KIFAP3: variants seen among roughly 807,000 people sequenced by gnomAD.
KIFAP3 encodes the protein kinesin associated protein 3, also known as kinesin-associated protein 3.
In KIFAP3, 68 loss-of-function variants were observed where a neutral mutation model predicts 106.5. That is an observed-to-expected ratio of 0.64 (90% CI 0.53 to 0.78). KIFAP3 has a LOEUF of 0.78. Ranked by LOEUF, KIFAP3 falls within the 30% of genes least tolerant of loss-of-function variation. The pLI, the probability that KIFAP3 is intolerant of heterozygous loss-of-function variation, is 0.00. For synonymous variants in KIFAP3, 320 were observed against 311.5 expected (o/e 1.03, Z -0.29); for missense variants, 780 against 941.8 (o/e 0.83, Z 2.25).
At position 169,929,545 on chromosome 1, in the gene KIFAP3, C is replaced by T. The variant is rs3790393; in HGVS notation, c.2274-7764G>A. On this transcript the variant is annotated intron_variant, in intron 19 of 19. Coordinates refer to ENST00000361580, the MANE Select transcript of KIFAP3 (RefSeq NM_014970.4). ...TATTACTCATTTCTTTGGACTTGAACTTTTGTATTGTTGAGAAAATAAAAT... is the reference window on the plus strand; with the variant it reads ...TATTACTCATTTCTTTGGACTTGAATTTTTGTATTGTTGAGAAAATAAAAT... Among the ~76,000 whole-genome samples, 946 of 152,166 alleles carry T rather than the reference C, an allele frequency of 6.2e-3. 52 individuals carry two copies. The East Asian group carries it at 0.12, about 20-fold the overall frequency.
chr1:170,017,255 CAAAAAAAAAAA>C (rs11417586), intron 9 of KIFAP3, among the ~76,000 whole-genome samples: 1 of 70,136 alleles, frequency 1.4e-5, no homozygotes, highest in Non-Finnish European at 2.6e-5. Context: ...GAGACTGTCT[CAAAAAAAAAAA>C]AAAAAAAAAA....
intron 1 of KIFAP3, among the ~76,000 whole-genome samples, chr1:170,084,833 TG>T (rs1242195184): frequency 6.6e-6 from 1 of 152,170 alleles, no homozygotes; most frequent in Non-Finnish European, 1.5e-5. Flanking sequence ...CCTGCAGGCA[TG>T]AGGACCCATT....
At position 169,968,746 on chromosome 1, in the gene KIFAP3, A is replaced by G. The variant is rs367926087; in HGVS notation, c.1983+3767T>C. Reference sequence around the variant, plus strand: ...GTCTTGACCACAAAGTAAAAGAAATAACTAAATAAAATTTATTTAAGTAAG... The same window carrying G: ...GTCTTGACCACAAAGTAAAAGAAATGACTAAATAAAATTTATTTAAGTAAG... On this transcript the variant is annotated intron_variant, in intron 17 of 19. Coordinates refer to ENST00000361580, the MANE Select transcript of KIFAP3 (RefSeq NM_014970.4). Among the ~76,000 whole-genome samples the G allele has an allele frequency of 9.9e-5, 15 of 151,938 alleles. 1 individual carries two copies. The East Asian group carries it at 2.3e-3, about 23-fold the overall frequency.
intron 5 of KIFAP3, among the ~76,000 whole-genome samples, 159 bp from the exon 6 acceptor site, chr1:170,035,712 A>C (rs1271271850): frequency 6.6e-6 from 1 of 152,106 alleles, no homozygotes. Context: ...TACTTTTAAA[A>C]CTAAAATGTA....
At chr1:170,073,037 C>T (rs1424268662) in intron 1 of KIFAP3, among the ~76,000 whole-genome samples, 3 of 151,944 alleles carry the variant, frequency 2.0e-5, no homozygotes, top group African/African-American at 4.8e-5. Context: ...CATACTGGTA[C>T]GATAATGTTA....
intron 3 of KIFAP3, 142 bp from the exon 4 acceptor site, chr1:170,039,430 CA>C: frequency 1.9e-6 from 1 of 534,822 alleles, no homozygotes; most frequent in Non-Finnish European, 3.4e-6. Flanking sequence ...CTTCTCAATG[CA>C]TAAAAATGTT....
At chr1:169,979,830 A>G (rs1197825521) in intron 15 of KIFAP3, among the ~76,000 whole-genome samples, 1 of 152,108 alleles carries the variant, frequency 6.6e-6, no homozygotes, top group Non-Finnish European at 1.5e-5. Context: ...AAATATTCAT[A>G]GGAGCATTAT....
chr1:169,944,300 T>C lies in KIFAP3; in HGVS notation c.2273+9711A>G, dbSNP rs1386762836. On this transcript the variant is annotated intron_variant, in intron 19 of 19. Transcript: ENST00000361580. The stretch of plus-strand genomic sequence containing the variant: ...GGCACTGGTACAGGTGCTGGCTCTG[T>C]GTGAGGCTGCAGATGGACCAGATGT... Among the ~76,000 whole-genome samples, 3 of 152,096 alleles carry C rather than the reference T, an allele frequency of 2.0e-5. No homozygotes were observed. In the East Asian group the frequency reaches 5.8e-4, roughly 29 times the overall value.
chr1:170,052,736 A>G, intron 2 of KIFAP3, among the ~76,000 whole-genome samples: 1 of 152,260 alleles, frequency 6.6e-6, no homozygotes, highest in Non-Finnish European at 1.5e-5. Flanking sequence ...AACCAAGGAC[A>G]AAAACTACAT....
intron 1 of KIFAP3, among the ~76,000 whole-genome samples, chr1:170,057,059 A>T (rs985650994): frequency 2.0e-5 from 3 of 152,190 alleles, no homozygotes; most frequent in African/African-American, 7.2e-5. Context: ...ACTATAAGAA[A>T]CATAAGAAAC....
At chr1:169,942,185 A>T (rs1031798551) in intron 19 of KIFAP3, among the ~76,000 whole-genome samples, 2 of 152,214 alleles carry the variant, frequency 1.3e-5, no homozygotes, top group African/African-American at 4.8e-5. Context: ...TCATTAAATA[A>T]ACTCAGTAAG....
At chr1:169,990,706 A>G (rs1395467713) in intron 11 of KIFAP3, among the ~76,000 whole-genome samples, 1 of 152,196 alleles carries the variant, frequency 6.6e-6, no homozygotes, top group East Asian at 1.9e-4. Context: ...CTCTACCCTT[A>G]TAACATACAG....
chr1:170,083,810 A>G (rs139409720), intron 1 of KIFAP3, among the ~76,000 whole-genome samples: 5 of 152,320 alleles, frequency 3.3e-5, no homozygotes, highest in African/African-American at 1.2e-4. Flanking sequence ...ATTTAGAAAA[A>G]TTGGGGGAAA....
At chr1:170,072,779 C>G (rs1345815530) in intron 1 of KIFAP3, among the ~76,000 whole-genome samples, 1 of 152,154 alleles carries the variant, frequency 6.6e-6, no homozygotes, top group Non-Finnish European at 1.5e-5. Flanking sequence ...TGTTTTCCAT[C>G]AGGCCTGTAT....
chr1:170,029,347 C>T (rs191416454), intron 8 of KIFAP3, among the ~76,000 whole-genome samples: 7 of 152,096 alleles, frequency 4.6e-5, no homozygotes, highest in Admixed American at 2.6e-4. Context: ...AGCATCAACA[C>T]ATGTAAAGCC....
rs1160691330 is a variant in KIFAP3, at chr1:169,922,520, C to A, written c.2274-739G>T. Among the ~76,000 whole-genome samples the A allele has an allele frequency of 1.6e-4, 25 of 152,156 alleles. 1 individual carries two copies. The highest frequency in any genetic ancestry group is 1.6e-3 in the Admixed American group (25 of 15,256). ...AGATAGCTTGAAGTATGTTAAACTT[C>A]ATGATTATTATTTTAAAAAAATTAC... is the stretch of plus-strand genomic sequence containing the variant. On this transcript the variant is annotated intron_variant, in intron 19 of 19. Transcript: ENST00000361580.
chr1:169,930,207 T>C (rs948689866), intron 19 of KIFAP3, among the ~76,000 whole-genome samples: 1 of 152,224 alleles, frequency 6.6e-6, no homozygotes, highest in Non-Finnish European at 1.5e-5. Flanking sequence ...TTTTATTACA[T>C]TTTATATAGT....
At chr1:169,955,882 C>CA (rs538390417) in intron 18 of KIFAP3, among the ~76,000 whole-genome samples, 97 of 151,702 alleles carry the variant, frequency 6.4e-4, no homozygotes, top group African/African-American at 2.2e-3. Context: ...TGAAAAGTTA[C>CA]AAAAAAATGA....
chr1:170,062,468 C>T (rs933595286), intron 1 of KIFAP3, among the ~76,000 whole-genome samples: 16 of 152,028 alleles, frequency 1.1e-4, no homozygotes, highest in Admixed American at 3.9e-4. Context: ...ACATGTGAAC[C>T]CATTCCAGTT....
Sources: allele counts gnomAD v4.1 joint callset (sites outside exome capture counted in the v4.1 genomes callset), GRCh38; gene constraint gnomAD v4.1.1; transcripts MANE v1.5; gene names NCBI Gene and HGNC (gene_info 2026-07-23, HGNC 2026-07-21).